XKR9: variants seen among roughly 807,000 people sequenced by gnomAD.
XKR9 encodes XK-related protein 9.
A neutral mutation model predicts 32.0 loss-of-function variants in XKR9; 32 were observed. The observed-to-expected ratio is 1.00, with a 90% CI of 0.76 to 1.34. The LOEUF (loss-of-function observed/expected upper bound fraction) is 1.34. XKR9 is among the 40% of genes most tolerant of loss of function. The pLI is 0.00. For synonymous variants in XKR9, 168 were observed against 143.4 expected (o/e 1.17, Z -1.22); for missense variants, 546 against 429.7 (o/e 1.27, Z -2.39).
chr8:71,033,125 A>C, the XKR9 span, among the ~76,000 whole-genome samples: 6 of 152,158 alleles, frequency 3.9e-5, no homozygotes, highest in Non-Finnish European at 5.9e-5. Context: ...ACAGCAGGTA[A>C]AATAACCTAT....
the XKR9 span, among the ~76,000 whole-genome samples, chr8:70,860,713 A>G: frequency 3.4e-5 from 5 of 147,884 alleles, no homozygotes; most frequent in African/African-American, 1.3e-4. Flanking sequence ...CTGCTTGTTT[A>G]TAAATGTCAA....
At chr8:70,690,763 T>G (rs912427591) in intron 3 of XKR9, among the ~76,000 whole-genome samples, 3 of 152,178 alleles carry the variant, frequency 2.0e-5, no homozygotes, top group Admixed American at 6.5e-5. Flanking sequence ...ATGATCTGGT[T>G]TTTTTATGGC....
downstream of XKR9, among the ~76,000 whole-genome samples, chr8:70,791,968 G>A (rs1431536167): frequency 6.6e-6 from 1 of 152,016 alleles, no homozygotes; most frequent in East Asian, 1.9e-4. Context: ...AGTAAGCCAG[G>A]CTTTGGGCAC....
the XKR9 span, among the ~76,000 whole-genome samples, chr8:71,045,408 G>A: frequency 6.6e-6 from 1 of 152,214 alleles, no homozygotes; most frequent in Non-Finnish European, 1.5e-5. Context: ...GCAGGTTCAT[G>A]TGTGTGGCGC....
At chr8:70,911,663 CA>C in the XKR9 span, among the ~76,000 whole-genome samples, 1 of 151,994 alleles carries the variant, frequency 6.6e-6, no homozygotes. Context: ...AGTATGAAAC[CA>C]AACAGATGAG....
At chr8:70,958,795 C>T in the XKR9 span, among the ~76,000 whole-genome samples, 5 of 152,254 alleles carry the variant, frequency 3.3e-5, no homozygotes, top group Middle Eastern at 0.01. Flanking sequence ...TCTTGTCTTT[C>T]ACTCAGAGAG....
At chr8:70,969,588 T>C in the XKR9 span, among the ~76,000 whole-genome samples, 9 of 152,298 alleles carry the variant, frequency 5.9e-5, no homozygotes, top group Non-Finnish European at 1.2e-4. Flanking sequence ...TTCATCTAAT[T>C]TGATGAAAGT....
the XKR9 span, among the ~76,000 whole-genome samples, chr8:70,902,110 T>A: frequency 6.6e-6 from 1 of 152,212 alleles, no homozygotes; most frequent in African/African-American, 2.4e-5. Flanking sequence ...TTGTTCTTTT[T>A]GCTTAGGATT....
At chr8:70,836,751 T>A in the XKR9 span, among the ~76,000 whole-genome samples, 1 of 152,048 alleles carries the variant, frequency 6.6e-6, no homozygotes, top group Non-Finnish European at 1.5e-5. Flanking sequence ...TATATTTAGT[T>A]TTATAAATAG....
the XKR9 span, among the ~76,000 whole-genome samples, chr8:70,964,359 G>A: frequency 1.2e-4 from 18 of 152,078 alleles, no homozygotes; most frequent in African/African-American, 3.6e-4. Flanking sequence ...TGCTGTTTTG[G>A]TTACTGTAGC....
the XKR9 span, among the ~76,000 whole-genome samples, chr8:70,841,569 C>A: frequency 6.3e-3 from 963 of 152,248 alleles, 10 homozygotes; most frequent in African/African-American, 0.021. Flanking sequence ...ATGCTGCAAC[C>A]AGTTGTCATG....
the XKR9 span, among the ~76,000 whole-genome samples, chr8:70,823,285 A>G: frequency 7.9e-5 from 12 of 152,212 alleles, no homozygotes; most frequent in Non-Finnish European, 4.4e-5. Context: ...CTAAGTAGTT[A>G]ATTCCTAAAT....
chr8:70,785,775 GTA>G (rs1346211992), intron 2 of XKR9, among the ~76,000 whole-genome samples: 1 of 143,302 alleles, frequency 7.0e-6, no homozygotes, highest in Non-Finnish European at 1.5e-5. Flanking sequence ...GTGTATATAT[GTA>G]TATATATATG....
At chr8:70,969,671 A>G in the XKR9 span, among the ~76,000 whole-genome samples, 6 of 152,228 alleles carry the variant, frequency 3.9e-5, no homozygotes, top group African/African-American at 7.2e-5. Context: ...CTGGCATTAC[A>G]GTATTTGGCA....
chr8:70,733,633 C>G (rs1806745595), intron 4 of XKR9, among the ~76,000 whole-genome samples, 163 bp from the exon 5 acceptor site: 1 of 151,988 alleles, frequency 6.6e-6, no homozygotes, highest in African/African-American at 2.4e-5. Flanking sequence ...AGTCTCAGTT[C>G]CCCCATACAT....
the XKR9 span, among the ~76,000 whole-genome samples, chr8:70,901,688 T>G: frequency 6.6e-6 from 1 of 152,238 alleles, no homozygotes; most frequent in South Asian, 2.1e-4. Flanking sequence ...GTCAATTTTG[T>G]CTTTTGTTGC....
the XKR9 span, among the ~76,000 whole-genome samples, chr8:70,839,698 G>A: frequency 1.3e-5 from 2 of 152,096 alleles, no homozygotes; most frequent in African/African-American, 4.8e-5. Flanking sequence ...CAACAGAGAA[G>A]ACAGTCTAAC....
chr8:70,805,141 G>T, the XKR9 span, among the ~76,000 whole-genome samples: 2 of 152,172 alleles, frequency 1.3e-5, no homozygotes, highest in African/African-American at 4.8e-5. Context: ...AGGAAGGAAG[G>T]GCAGTGCAGC....
chr8:70,710,735 A>G (rs919858545), intron 4 of XKR9, among the ~76,000 whole-genome samples: 1 of 151,640 alleles, frequency 6.6e-6, no homozygotes, highest in Non-Finnish European at 1.5e-5. Flanking sequence ...AAACAAATAA[A>G]CAAACAAAAA....
Sources: gnomAD v4.1 joint callset for allele counts (sites outside exome capture counted in the v4.1 genomes callset) on GRCh38, gnomAD v4.1.1 for gene constraint, MANE v1.5 for transcripts, NCBI Gene and HGNC (gene_info 2026-07-23, HGNC 2026-07-21) for gene names.